DNM3: variants seen among roughly 807,000 people sequenced by gnomAD.
DNM3 encodes dynamin 3, also known as dynamin-3.
Under a neutral mutation model 101.6 loss-of-function variants are expected in DNM3, and 47 were observed. That is an observed-to-expected ratio of 0.46 (90% CI 0.37 to 0.59). DNM3 has a LOEUF of 0.59. Among genes scored for constraint, DNM3 ranks in the 20% least tolerant of loss-of-function variants. The probability of loss-of-function intolerance (pLI) is 0.00; values close to 1 mark genes in which losing one functional copy is unlikely to be tolerated. For missense variants in DNM3, 849 were observed against 1,085.7 expected, an observed-to-expected ratio of 0.78 and a Z score of 3.06; for synonymous variants, 385 against 387.9, an observed-to-expected ratio of 0.99 and a Z score of 0.09.
intron 14 of DNM3, among the ~76,000 whole-genome samples, chr1:172,200,758 TC>T (rs1465762786): frequency 1.3e-5 from 2 of 152,194 alleles, no homozygotes; most frequent in Non-Finnish European, 2.9e-5. Context: ...CTCATTAGAT[TC>T]TTTTTATACT....
intron 1 of DNM3, among the ~76,000 whole-genome samples, chr1:171,855,796 C>T (rs1177721289): frequency 1.3e-5 from 2 of 152,092 alleles, no homozygotes; most frequent in Non-Finnish European, 2.9e-5. Flanking sequence ...GCATAGTTTG[C>T]AAAAATTTTC....
At chr1:172,183,301 T>C (rs2148403045) in intron 14 of DNM3, among the ~76,000 whole-genome samples, 1 of 152,290 alleles carries the variant, frequency 6.6e-6, no homozygotes, top group South Asian at 2.1e-4. Context: ...GTTCAATATA[T>C]TGGTTTCACA....
chr1:171,997,956 A>G (rs764018835), intron 4 of DNM3, among the ~76,000 whole-genome samples: 1 of 152,138 alleles, frequency 6.6e-6, no homozygotes, highest in Non-Finnish European at 1.5e-5. Flanking sequence ...AAGTGAAATG[A>G]GTTGTGTAAT....
rs1558617649 is a variant in DNM3, at chr1:172,131,219, G to A, written c.1590G>A (p.Met530Ile). The A allele has an allele frequency of 6.2e-7, 1 of 1,613,324 alleles. No individual in the cohort carries two copies. Residue 530 changes from methionine to isoleucine, a missense_variant, in exon 14 of 21, where the codon ATG becomes ATA. This residue lies in a region of DNM3 where 193 missense variants were observed against 238.4 expected (regional missense o/e 0.81). Transcript: ENST00000627582. ...GWLTISNIGI[M>I]KGGSKGYWFV... ...TCACCATCAGCAACATTGGCATCAT[G>A]AAAGGCGGCTCGAAGGGATACTGGT...
chr1:171,948,375 G>A (rs2042295848), intron 2 of DNM3, among the ~76,000 whole-genome samples: 1 of 152,168 alleles, frequency 6.6e-6, no homozygotes, highest in Non-Finnish European at 1.5e-5. Context: ...AATGTTTTAA[G>A]AATGATCCAG....
At chr1:172,171,961 C>G (rs1271085795) in intron 14 of DNM3, among the ~76,000 whole-genome samples, 3 of 151,558 alleles carry the variant, frequency 2.0e-5, no homozygotes, top group Non-Finnish European at 4.4e-5. Context: ...GGTTTGGGAG[C>G]ATCAAAGAAT....
At chr1:171,855,481 T>G (rs1379077608) in intron 1 of DNM3, among the ~76,000 whole-genome samples, 1 of 152,204 alleles carries the variant, frequency 6.6e-6, no homozygotes, top group African/African-American at 2.4e-5. Flanking sequence ...TTGAACTAAT[T>G]TACACTCTCA....
At chr1:172,385,047 T>TA (rs2069111277) in intron 18 of DNM3, among the ~76,000 whole-genome samples, 1 of 152,232 alleles carries the variant, frequency 6.6e-6, no homozygotes, top group Admixed American at 6.5e-5. Flanking sequence ...TCTATTCTCC[T>TA]ACTCATCCAA....
At chr1:171,962,938 G>A (rs1196326343) in intron 2 of DNM3, among the ~76,000 whole-genome samples, 1 of 152,264 alleles carries the variant, frequency 6.6e-6, no homozygotes, top group East Asian at 1.9e-4. Flanking sequence ...TTGCTGGTGG[G>A]AATGCAAAAA....
At chr1:172,123,156 C>T (rs2056419490) in intron 13 of DNM3, among the ~76,000 whole-genome samples, 1 of 152,116 alleles carries the variant, frequency 6.6e-6, no homozygotes, top group Admixed American at 6.6e-5. Context: ...CCAATTCATT[C>T]GTATTAGTAA....
chr1:172,347,983 CTAAAAATAACTGA>C (rs1332226034), intron 17 of DNM3, among the ~76,000 whole-genome samples: 1 of 151,574 alleles, frequency 6.6e-6, no homozygotes, highest in Non-Finnish European at 1.5e-5. Flanking sequence ...TTTTATGAAA[CTAAAAATAACTGA>C]TAAAAATAAC....
In DNM3 at chr1:171,942,224, T is replaced by TTTA. The variant is rs1045551751; in HGVS notation, c.235+20403_235+20404insTTA. ...TGATTTTTTTTTTTTTTTTTTTTTT[T>TTTA]ATGGAATAAGGGATCTGATACTCTT... is the stretch of plus-strand genomic sequence containing the variant. On this transcript the variant is annotated intron_variant, in intron 2 of 20. Coordinates refer to ENST00000627582, the MANE Select transcript of DNM3 (RefSeq NM_015569.5). Among the ~76,000 whole-genome samples the TTTA allele has an allele frequency of 6.7e-5, 10 of 148,644 alleles. No homozygotes were observed. The East Asian group carries it at 1.8e-3, about 26-fold the overall frequency.
At chr1:171,961,649 A>G (rs375736156) in intron 2 of DNM3, among the ~76,000 whole-genome samples, 12 of 152,358 alleles carry the variant, frequency 7.9e-5, no homozygotes, top group African/African-American at 2.9e-4. Context: ...ATATGTGCCC[A>G]CCAATGTTCA....
At chr1:172,347,014 G>A (rs577162657) in intron 17 of DNM3, among the ~76,000 whole-genome samples, 34 of 152,234 alleles carry the variant, frequency 2.2e-4, no homozygotes, top group Middle Eastern at 3.4e-3. Flanking sequence ...TATTGACCTT[G>A]GCACTAAATA....
At chr1:171,935,215 T>C (rs1349176271) in intron 2 of DNM3, among the ~76,000 whole-genome samples, 1 of 152,148 alleles carries the variant, frequency 6.6e-6, no homozygotes, top group East Asian at 1.9e-4. Flanking sequence ...TCCAACACAA[T>C]GCCTATTTAG....
chr1:172,101,973 C>T (rs1337358794), intron 13 of DNM3, among the ~76,000 whole-genome samples: 1 of 152,026 alleles, frequency 6.6e-6, no homozygotes, highest in African/African-American at 2.4e-5. Flanking sequence ...ATTCTCCTGC[C>T]TCAGCCTCCT....
At chr1:172,234,553 CA>C (rs1338352136) in intron 14 of DNM3, among the ~76,000 whole-genome samples, 2 of 152,020 alleles carry the variant, frequency 1.3e-5, no homozygotes, top group Non-Finnish European at 2.9e-5. Flanking sequence ...CATATGCAAC[CA>C]AAAAAGAGCC....
At chr1:172,283,493 G>A (rs1446229627) in intron 15 of DNM3, among the ~76,000 whole-genome samples, 1 of 151,976 alleles carries the variant, frequency 6.6e-6, no homozygotes, top group East Asian at 1.9e-4. Context: ...TGGGCATGGT[G>A]GCTCACACCT....
At chr1:172,270,050 T>C (rs2063023802) in intron 15 of DNM3, among the ~76,000 whole-genome samples, 1 of 152,084 alleles carries the variant, frequency 6.6e-6, no homozygotes, top group South Asian at 2.1e-4. Flanking sequence ...ATGTAGAATA[T>C]AGTAAGAAAA....
Sources: allele counts gnomAD v4.1 joint callset (sites outside exome capture counted in the v4.1 genomes callset), GRCh38; gene constraint gnomAD v4.1.1; regional missense constraint gnomAD v4.1.1; transcripts MANE v1.5; gene names NCBI Gene and HGNC (gene_info 2026-07-23, HGNC 2026-07-21).